The following COBLL1 variants were observed in gnomAD, a reference collection of about 807,000 sequenced individuals.
COBLL1 encodes cordon-bleu WH2 repeat protein like 1.
Under a neutral mutation model 94.8 loss-of-function variants are expected in COBLL1, and 50 were observed. That is an observed-to-expected ratio of 0.53 (90% confidence interval 0.42 to 0.67). COBLL1 has a LOEUF of 0.67. Among genes scored for constraint, COBLL1 ranks in the 30% least tolerant of loss-of-function variants. The pLI is 0.00. For missense variants in COBLL1, 1,362 were observed against 1,348.7 expected, an observed-to-expected ratio of 1.01 and a Z score of -0.15; for synonymous variants, 448 against 473.8, an observed-to-expected ratio of 0.95 and a Z score of 0.71.
chr2:164,722,703 T>A, intron 5 of COBLL1, 181 bp from the exon 6 acceptor site: 1 of 354,402 alleles, frequency 2.8e-6, no homozygotes, highest in Non-Finnish European at 5.1e-6. Context: ...ATTGTTCCTA[T>A]TTCACAGCAG....
chr2:164,763,176 T>G (rs1687771740), intron 2 of COBLL1, among the ~76,000 whole-genome samples: 1 of 152,172 alleles, frequency 6.6e-6, no homozygotes, highest in Non-Finnish European at 1.5e-5. Context: ...AGCTCACTGA[T>G]TCCTGGCATA....
At chr2:164,758,498 T>C (rs1013115929) in intron 2 of COBLL1, among the ~76,000 whole-genome samples, 1 of 152,154 alleles carries the variant, frequency 6.6e-6, no homozygotes, top group African/African-American at 2.4e-5. Flanking sequence ...CTTGCACAAC[T>C]TTCTGCCCAT....
rs746930120 is a variant in COBLL1, at chr2:164,695,252, T to C, written c.2140A>G (p.Lys714Glu). Residue 714 changes from lysine (K) to glutamate (E), a missense_variant, in exon 12 of 14, where the codon AAG becomes GAG. Transcript: ENST00000652658. ...GTAATTTCATTTGAAGGTTTTGGCT[T>C]GGGATTGTAGTCCTGTCTATAAAGT... The part of the protein sequence containing the change: ...YPLYRQDYNP[K>E]PKPSNEITRE... 1.2e-6 allele frequency: 2 copies of C among 1,613,986 alleles called. No homozygotes were observed. Among genetic ancestry groups the C allele is most frequent in the Admixed American group, 1.7e-5 (1 of 59,996 alleles).
intron 2 of COBLL1, among the ~76,000 whole-genome samples, chr2:164,820,754 G>A (rs1003623693): frequency 2.0e-5 from 3 of 152,112 alleles, no homozygotes; most frequent in African/African-American, 7.2e-5. Flanking sequence ...TTTGAGGTTC[G>A]CACCAATTTT....
Position 164,730,075 on chromosome 2 carries a change from A to G in COBLL1, c.271T>C (p.Tyr91His). The change falls in exon 4 of 14, where the codon TAT (tyrosine) becomes CAT (histidine). Residue 91 changes from tyrosine to histidine, a missense_variant. Transcript: ENST00000652658. ...MDLLIFLCAQ[Y>H]HLNPSSYTID... is the part of the protein sequence containing the mutation. Reference sequence around the variant, plus strand: ...GTGTAACTTGATGGATTTAAGTGATACTGTGCACAAAGGAATATCAACAAG... The same window carrying G: ...GTGTAACTTGATGGATTTAAGTGATGCTGTGCACAAAGGAATATCAACAAG... 1 of 1,613,998 alleles carries G rather than the reference A, an allele frequency of 6.2e-7. No homozygotes were observed. The highest frequency in any genetic ancestry group is 8.5e-7 in the Non-Finnish European group (1 of 1,179,920).
chr2:164,792,426 C>G (rs537342874), intron 2 of COBLL1, among the ~76,000 whole-genome samples: 1 of 152,202 alleles, frequency 6.6e-6, no homozygotes, highest in South Asian at 2.1e-4. Flanking sequence ...CTCCACTGGA[C>G]CCCCTTGGCT....
intron 3 of COBLL1, among the ~76,000 whole-genome samples, chr2:164,734,599 T>C (rs140124643): frequency 2.6e-3 from 399 of 152,116 alleles, no homozygotes; most frequent in African/African-American, 9.3e-3. Context: ...ATTGCGAAAA[T>C]TTAGGTGGGA....
Position 164,683,947 on chromosome 2 carries a change from A to AT in COBLL1, c.*1998dup, listed in dbSNP as rs1433797599. On this transcript the variant is annotated 3_prime_UTR_variant, in exon 14 of 14. Coordinates refer to ENST00000652658, the MANE Select transcript of COBLL1 (RefSeq NM_001365672.2). Reference sequence around the variant, plus strand: ...TGCAGATGTCTCCTTATGCATGTGCATAAGTACTTATTTAAGGTAACATGG... The same window carrying AT: ...TGCAGATGTCTCCTTATGCATGTGCATTAAGTACTTATTTAAGGTAACATGG... 6.6e-6 allele frequency: 1 copy of AT among 152,154 alleles called. No individual in the cohort carries two copies. The highest frequency in any genetic ancestry group is 1.9e-4 in the East Asian group (1 of 5,198). 9.4% of individuals were successfully genotyped at this position (152,154 alleles called of 1,614,324 possible).
chr2:164,780,866 G>C (rs572706971), intron 2 of COBLL1, among the ~76,000 whole-genome samples: 2 of 152,200 alleles, frequency 1.3e-5, no homozygotes, highest in South Asian at 2.1e-4. Flanking sequence ...GAGGTCTCTG[G>C]GCAAGGAGTA....
At chr2:164,767,743 G>T (rs1688005195) in intron 2 of COBLL1, among the ~76,000 whole-genome samples, 5 of 151,966 alleles carry the variant, frequency 3.3e-5, no homozygotes, top group Admixed American at 3.3e-4. Flanking sequence ...TTTGGTTAGG[G>T]TAGGTAGCTC....
At chr2:164,802,855 A>G (rs1321087880) in intron 2 of COBLL1, among the ~76,000 whole-genome samples, 2 of 151,992 alleles carry the variant, frequency 1.3e-5, no homozygotes, top group South Asian at 2.1e-4. Flanking sequence ...GAGAGGGAGG[A>G]AGGAAGGGGA....
At chr2:164,765,488 A>AT (rs1226279330) in intron 2 of COBLL1, among the ~76,000 whole-genome samples, 1 of 152,138 alleles carries the variant, frequency 6.6e-6, no homozygotes, top group Non-Finnish European at 1.5e-5. Context: ...CATAAAAGGT[A>AT]TTTTTTTAAA....
At chr2:164,674,041 T>C (rs913939673) in intron 1 of COBLL1, among the ~76,000 whole-genome samples, 2 of 152,112 alleles carry the variant, frequency 1.3e-5, no homozygotes, top group Non-Finnish European at 2.9e-5. Flanking sequence ...AAATATAAAA[T>C]TTACTATCTT....
intron 13 of COBLL1, among the ~76,000 whole-genome samples, chr2:164,688,619 T>C (rs1032075330): frequency 6.6e-6 from 1 of 152,176 alleles, no homozygotes; most frequent in East Asian, 1.9e-4. Flanking sequence ...CCATAAGGAA[T>C]GCAACTATAA....
At chr2:164,805,331 CTCTCTCTA>C (rs1288278678) in intron 2 of COBLL1, among the ~76,000 whole-genome samples, 6 of 21,296 alleles carry the variant, frequency 2.8e-4, no homozygotes, top group South Asian at 1.8e-3. Flanking sequence ...CTCTCTCTCT[CTCTCTCTA>C]TATATATATA....
intron 2 of COBLL1, among the ~76,000 whole-genome samples, chr2:164,755,794 T>A (rs1687366552): frequency 6.6e-6 from 1 of 152,194 alleles, no homozygotes; most frequent in South Asian, 2.1e-4. Flanking sequence ...AAATGCCCTT[T>A]TAAATTCATG....
At chr2:164,784,026 G>T (rs759475183) in intron 2 of COBLL1, among the ~76,000 whole-genome samples, 1 of 152,060 alleles carries the variant, frequency 6.6e-6, no homozygotes, top group Non-Finnish European at 1.5e-5. Context: ...ATTCTTTCTA[G>T]AGGTGTGGAG....
At position 164,694,315 on chromosome 2, in the gene COBLL1, G is replaced by A. The variant is rs936989379; in HGVS notation, c.3077C>T (p.Ser1026Phe). The change falls in exon 12 of 14, where the codon TCT becomes TTT. Residue 1026 changes from serine to phenylalanine, a missense_variant. Coordinates refer to ENST00000652658, the MANE Select transcript of COBLL1 (RefSeq NM_001365672.2). ...PANTEEGKTHSVNKFVDIPQL... is the reference protein window; with the variant it reads ...PANTEEGKTHFVNKFVDIPQL... ...TGGGATGTCCACAAATTTATTTACA[G>A]AATGAGTCTTCCCTTCCTCTGTGTT... 9 of 1,613,888 alleles carry A rather than the reference G, an allele frequency of 5.6e-6. No individual in the cohort carries two copies. Among genetic ancestry groups the A allele is most frequent in the Non-Finnish European group, 7.6e-6 (9 of 1,179,846 alleles).
At chr2:164,814,191 CTT>C (rs1330838382) in intron 2 of COBLL1, among the ~76,000 whole-genome samples, 3 of 152,128 alleles carry the variant, frequency 2.0e-5, no homozygotes, top group African/African-American at 7.2e-5. Context: ...CTCATTGTCT[CTT>C]TGGTTCCCCT....
Sources: allele counts gnomAD v4.1 joint callset (sites outside exome capture counted in the v4.1 genomes callset), GRCh38; gene constraint gnomAD v4.1.1; transcripts MANE v1.5; gene names NCBI Gene and HGNC (gene_info 2026-07-23, HGNC 2026-07-21).